Variants in EIF3A observed in about 807,000 individuals in gnomAD.
EIF3A encodes the protein eukaryotic translation initiation factor 3 subunit A.
In EIF3A, 21 loss-of-function variants were observed where a neutral mutation model predicts 186.6. That is an observed-to-expected ratio of 0.11 (90% CI 0.08 to 0.16). The LOEUF is 0.16. EIF3A is among the 10% of genes least tolerant of loss of function. The pLI is 1.00. For missense variants in EIF3A, 1,306 were observed against 1,796.3 expected, an observed-to-expected ratio of 0.73 and a Z score of 4.93; for synonymous variants, 563 against 584.3, an observed-to-expected ratio of 0.96 and a Z score of 0.52.
At chr10:119,062,890 C>T (rs1477574144) in intron 7 of EIF3A, among the ~76,000 whole-genome samples, 1 of 151,324 alleles carries the variant, frequency 6.6e-6, no homozygotes, top group East Asian at 1.9e-4. Flanking sequence ...TGGGATTACA[C>T]GCATGCACCA....
At chr10:119,060,025 G>A (rs1030649601) in intron 9 of EIF3A, 2 of 518,450 alleles carry the variant, frequency 3.9e-6, no homozygotes, top group Non-Finnish European at 7.4e-6. Context: ...GTCTGAAGGA[G>A]ACTGGCAGCA....
In EIF3A at chr10:119,065,855, G is replaced by T. The variant is rs192480106; in HGVS notation, c.951-285C>A. Among the ~76,000 whole-genome samples the T allele has an allele frequency of 1.2e-4, 19 of 152,310 alleles. 1 individual carries two copies. Among genetic ancestry groups the T allele is most frequent in the Non-Finnish European group, 4.4e-5 (3 of 68,024 alleles). On this transcript the variant is annotated intron_variant, in intron 6 of 21. Transcript: ENST00000369144. ...TGATTGACCAGGCGCGGTGGCTCACGCCTGTAATCCCAGCACTTTGGGAGG... is the reference window on the plus strand; with the variant it reads ...TGATTGACCAGGCGCGGTGGCTCACTCCTGTAATCCCAGCACTTTGGGAGG...
In EIF3A at chr10:119,038,485, A is replaced by C. The variant is rs779814051; in HGVS notation, c.3527-46T>G. ...AACATTTTTAAAATATTTTTAAAAG[A>C]AGAAACAGATTGGCAATCATGAATA... is the stretch of plus-strand genomic sequence containing the variant. On this transcript the variant is annotated intron_variant, in intron 19 of 21. Coordinates refer to ENST00000369144, the MANE Select transcript of EIF3A (RefSeq NM_003750.4). The C allele has an allele frequency of 3.3e-6, 5 of 1,497,774 alleles. No individual in the cohort carries two copies. In the South Asian group the frequency reaches 6.1e-5, roughly 18 times the overall value. The allele number at this position is 1,497,774 out of a possible 1,614,324, so 92.8% of individuals were successfully genotyped here.
intron 9 of EIF3A, 71 bp downstream of exon 9, chr10:119,060,675 G>C: frequency 8.3e-7 from 1 of 1,209,988 alleles, no homozygotes; most frequent in Non-Finnish European, 1.2e-6. Context: ...GGCAGTTCTA[G>C]ATTTTTCCAG....
Position 119,042,448 on chromosome 10 carries a change from C to T in EIF3A, c.3072G>A (p.Glu1024=). 6.2e-7 allele frequency: 1 copy of T among 1,614,188 alleles called. No individual in the cohort carries two copies. The highest frequency in any genetic ancestry group is 8.5e-7 in the Non-Finnish European group (1 of 1,180,032). ...CAGCTGTTCGCCAGCTTCCTCTGTC[C>T]TCATCCAGTCCTCGTCTAGGTGGTC... ...DDRPPRRGLD[E]DRGSWRTADE... is the part of the protein sequence containing the mutation. The change falls in exon 19 of 22, where the codon GAG becomes GAA. Residue 1024 remains glutamate, a synonymous_variant. Transcript: ENST00000369144. The surrounding 1 kb of genome is among the most constrained non-coding windows in gnomAD (Gnocchi z 7.8).
chr10:119,073,337 A>AT, intron 3 of EIF3A, 104 bp downstream of exon 3: 7 of 931,196 alleles, frequency 7.5e-6, no homozygotes, highest in East Asian at 4.9e-5. Flanking sequence ...AAAGATTTGC[A>AT]TTTTTTTCTG....
At chr10:119,047,162 G>A (rs1251662041) in intron 17 of EIF3A, among the ~76,000 whole-genome samples, 1 of 152,158 alleles carries the variant, frequency 6.6e-6, no homozygotes, top group Non-Finnish European at 1.5e-5. Context: ...CAGCTACTCA[G>A]GAGGCTGAGG....
At chr10:119,051,353 C>A in intron 14 of EIF3A, 32 bp from the exon 15 acceptor site, 4 of 1,540,344 alleles carry the variant, frequency 2.6e-6, no homozygotes, top group South Asian at 1.2e-5. Context: ...AATTTCAATG[C>A]ACTTTTTTTT....
Position 119,055,577 on chromosome 10 carries a change from A to G in EIF3A, c.2196+1163T>C, listed in dbSNP as rs998871619. 2.0e-5 allele frequency among the ~76,000 whole-genome samples: 3 copies of G among 152,162 alleles called. No homozygotes were observed. The East Asian group carries it at 5.8e-4, about 29-fold the overall frequency. ...AGAAGAAATAAGAATAAAAATAATA[A>G]TAATATGGGGGGCTGGGGGAGGTGT... On this transcript the variant is annotated intron_variant, in intron 14 of 21. Coordinates refer to ENST00000369144, the MANE Select transcript of EIF3A (RefSeq NM_003750.4).
At position 119,073,932 on chromosome 10, in the gene EIF3A, G is replaced by T. The variant is rs1203836596; in HGVS notation, c.55C>A (p.Leu19Ile). 6.3e-7 allele frequency: 1 copy of T among 1,587,804 alleles called. No individual in the cohort carries two copies. Among genetic ancestry groups the T allele is most frequent in the Admixed American group, 1.8e-5 (1 of 54,262 alleles). Residue 19 changes from leucine to isoleucine, a missense_variant, in exon 2 of 22, where the codon CTT becomes ATT. By Grantham distance (5) the Leu-to-Ile change is conservative. Transcript: ENST00000369144. The stretch of plus-strand genomic sequence containing the variant: ...GCAGGCTGCTTTTTGCCAACCTCAA[G>T]AAATTCTGAAAAATTCAGAAGAATT... Reference protein sequence around the residue: ...ENALKRANEFLEVGKKQPALD... With the variant: ...ENALKRANEFIEVGKKQPALD...
At position 119,050,689 on chromosome 10, in the gene EIF3A, A is replaced by T; in HGVS notation, c.2320-15T>A. The T allele has an allele frequency of 6.2e-7, 1 of 1,613,476 alleles. No homozygotes were observed. Among genetic ancestry groups the T allele is most frequent in the Non-Finnish European group, 8.5e-7 (1 of 1,179,938 alleles). The stretch of plus-strand genomic sequence containing the variant: ...TTAAGTTTTTCCTGCAATCGAAGTA[A>T]CCCCCAACCCAAAAAGGGCACACTT... On this transcript the variant is annotated splice_polypyrimidine_tract_variant and intron_variant, in intron 15 of 21. Transcript: ENST00000369144.
chr10:119,033,836 A>G lies in EIF3A; in HGVS notation c.*2203T>C, dbSNP rs1193358335. ...CCCCAAGTATTTCAATTAGACTTAT[A>G]AAAGTATAAGTCAATCTATGGTCAG... On this transcript the variant is annotated 3_prime_UTR_variant, in exon 22 of 22. Transcript: ENST00000369144. 3 of 166,612 alleles carry G rather than the reference A, an allele frequency of 1.8e-5. No homozygotes were observed. The highest frequency in any genetic ancestry group is 4.4e-5 in the Non-Finnish European group (3 of 68,040). The allele number at this position is 166,612 out of a possible 1,614,324, so 10.3% of individuals were successfully genotyped here.
chr10:119,074,615 ATTC>A (rs1844129341), intron 1 of EIF3A, among the ~76,000 whole-genome samples: 1 of 151,592 alleles, frequency 6.6e-6, no homozygotes, highest in Admixed American at 6.6e-5. Context: ...GCTCTAAAAA[ATTC>A]TTTTTTTTTT....
At chr10:119,051,346 T>G in intron 14 of EIF3A, 25 bp from the exon 15 acceptor site, 1 of 1,551,092 alleles carries the variant, frequency 6.4e-7, no homozygotes, top group Non-Finnish European at 8.7e-7. Flanking sequence ...ATTGTGAAAT[T>G]TCAATGCACT....
chr10:119,059,605 C>T lies in EIF3A; in HGVS notation c.1440G>A (p.Leu480=). The T allele has an allele frequency of 6.2e-7, 1 of 1,611,858 alleles. No individual in the cohort carries two copies. Among genetic ancestry groups the T allele is most frequent in the African/African-American group, 1.3e-5 (1 of 75,008 alleles). ...TCTCCTTACAGCACATACCTACCTG[C>T]AAGTCGCAATGCCTGGCTGCATCTA... ...AIVDAARHCD[L]QVRIDHTSRT... Residue 480 remains leucine (L), a synonymous_variant, in exon 10 of 22, where the codon TTG becomes TTA. Coordinates refer to ENST00000369144, the MANE Select transcript of EIF3A (RefSeq NM_003750.4).
intron 17 of EIF3A, among the ~76,000 whole-genome samples, chr10:119,045,732 T>G (rs1002061579): frequency 2.0e-5 from 3 of 152,144 alleles, no homozygotes; most frequent in Non-Finnish European, 4.4e-5. Context: ...CCCAGCTCAT[T>G]TTTGTATTTT....
intron 14 of EIF3A, among the ~76,000 whole-genome samples, chr10:119,052,747 C>T (rs917588199): frequency 3.9e-5 from 6 of 152,110 alleles, no homozygotes; most frequent in African/African-American, 1.4e-4. Flanking sequence ...TACTCATGTA[C>T]CCCTCCAAGT....
intron 12 of EIF3A, 111 bp downstream of exon 12, chr10:119,057,845 C>A (rs1350834248): frequency 3.6e-6 from 3 of 822,100 alleles, no homozygotes; most frequent in African/African-American, 3.4e-5. Context: ...ACCAGCTGTA[C>A]CAAAATGCAT....
chr10:119,037,907 A>ATTTTTTTTT (rs575308953), intron 20 of EIF3A, among the ~76,000 whole-genome samples: 4 of 93,104 alleles, frequency 4.3e-5, no homozygotes, highest in Non-Finnish European at 5.7e-5. Flanking sequence ...TTAAGAGGGA[A>ATTTTTTTTT]TTTTTTTTTT....
Sources: gnomAD v4.1 joint callset for allele counts (sites outside exome capture counted in the v4.1 genomes callset) on GRCh38, gnomAD v4.1.1 for gene constraint, Gnocchi (gnomAD v3.1) non-coding constraint, MANE v1.5 for transcripts, NCBI Gene and HGNC (gene_info 2026-07-23, HGNC 2026-07-21) for gene names.